ZNF708: variants seen among roughly 807,000 people sequenced by gnomAD.
ZNF708 encodes the protein zinc finger protein 708, also known as ZNF15, ZNF15L1.
In ZNF708, 44 loss-of-function variants were observed where a neutral mutation model predicts 47.0. The ratio of observed to expected loss-of-function variants is 0.94; its 90% confidence interval spans 0.74 to 1.20. ZNF708 has a LOEUF of 1.20. Ranked by LOEUF, ZNF708 falls within the 50% of genes most tolerant of loss-of-function variation. The pLI, the probability that ZNF708 is intolerant of heterozygous loss-of-function variation, is 0.00. For missense variants in ZNF708, 557 were observed against 656.0 expected (o/e 0.85, Z 1.65); for synonymous variants, 184 against 218.5 (o/e 0.84, Z 1.39).
rs747518536 is a variant in ZNF708, at chr19:21,293,368, T to A, written c.1598A>T (p.Lys533Ile). 1.2e-6 allele frequency: 2 copies of A among 1,613,626 alleles called. No homozygotes were observed. Among genetic ancestry groups the A allele is most frequent in the Non-Finnish European group, 1.7e-6 (2 of 1,179,862 alleles). Residue 533 changes from lysine (K) to isoleucine (I), a missense_variant, in exon 4 of 4, where the codon AAA becomes ATA. Transcript: ENST00000356929. ...KIIHTGEKPY[K>I]CEECGKAFNQ... ...AAAGGCTTTGCCACATTCTTCACAT[T>A]TGTAGGGTTTCTCTCCAGTATGAAT...
rs1480206953 is a variant in ZNF708, at chr19:21,295,172, A to C, written c.227-433T>G. Among the ~76,000 whole-genome samples the C allele has an allele frequency of 2.0e-5, 3 of 152,200 alleles. No individual in the cohort carries two copies. The South Asian group carries it at 6.2e-4, about 32-fold the overall frequency. ...ACTGGTTTCTGTCTCCCATGACATA[A>C]AGTGCTAAAAGAAATGGTGGTATAC... On this transcript the variant is annotated intron_variant, in intron 3 of 3. Transcript: ENST00000356929.
rs1465174466 is a variant in ZNF708, at chr19:21,291,345, T to C, written c.*1929A>G. On this transcript the variant is annotated 3_prime_UTR_variant, in exon 4 of 4. Coordinates refer to ENST00000356929, the MANE Select transcript of ZNF708 (RefSeq NM_021269.3). ...CCACAAATACCATCTCCACTTAGAT[T>C]TTCATCATGCATGTTACATTTTAAT... The C allele has an allele frequency of 6.6e-6, 1 of 152,096 alleles. No homozygotes were observed. Among genetic ancestry groups the C allele is most frequent in the East Asian group, 1.9e-4 (1 of 5,188 alleles). 9.4% of individuals were successfully genotyped at this position (152,096 alleles called of 1,614,324 possible).
Position 21,329,281 on chromosome 19 carries a change from C to G in ZNF708, c.-69G>C, listed in dbSNP as rs1431704513. The G allele has an allele frequency of 6.2e-7, 1 of 1,601,360 alleles. No individual in the cohort carries two copies. The highest frequency in any genetic ancestry group is 8.5e-7 in the Non-Finnish European group (1 of 1,170,774). On this transcript the variant is annotated 5_prime_UTR_variant, in exon 1 of 4. Transcript: ENST00000356929. ...CCAATACCTGCAGGTCACAGAGCCA[C>G]AGAGTCTGGGCCTCTAGGAGCAGAG...
Position 21,310,489 on chromosome 19 carries a change from A to G in ZNF708, c.130+12T>C. ...AATAATAAAAATTAAAAAAAAAAAA[A>G]CTTATCCTCACCCAGGAATACCAGG... On this transcript the variant is annotated intron_variant, in intron 2 of 3. Coordinates refer to ENST00000356929, the MANE Select transcript of ZNF708 (RefSeq NM_021269.3). 1 of 1,316,104 alleles carries G rather than the reference A, an allele frequency of 7.6e-7. No homozygotes were observed. Among genetic ancestry groups the G allele is most frequent in the Non-Finnish European group, 9.8e-7 (1 of 1,016,422 alleles). 81.5% of individuals were successfully genotyped at this position (1,316,104 alleles called of 1,614,324 possible).
At chr19:21,305,204 T>C (rs1762578) in intron 3 of ZNF708, among the ~76,000 whole-genome samples, 24,045 of 150,710 alleles carry the variant, frequency 0.16, 2,211 homozygotes, top group Non-Finnish European at 0.21. Context: ...AGAGACAGGG[T>C]TCCACCAGGT....
chr19:21,307,172 AAATAAAATAC>A (rs971628951), intron 3 of ZNF708, among the ~76,000 whole-genome samples: 1 of 126,466 alleles, frequency 7.9e-6, no homozygotes, highest in African/African-American at 2.9e-5. Context: ...AAATAAAATA[AAATAAAATAC>A]AATAAAATAC....
At position 21,329,336 on chromosome 19, in the gene ZNF708, C is replaced by G; in HGVS notation, c.-124G>C. ...AACAGCAGTGAAGACGAGACCGGAG[C>G]TCCGGCTGCAGCAAGAGACAAAGGC... On this transcript the variant is annotated 5_prime_UTR_variant, in exon 1 of 4. Coordinates refer to ENST00000356929, the MANE Select transcript of ZNF708 (RefSeq NM_021269.3). 6.8e-7 allele frequency: 1 copy of G among 1,468,104 alleles called. No individual in the cohort carries two copies. The allele number at this position is 1,468,104 out of a possible 1,614,324, so 90.9% of individuals were successfully genotyped here. A position where few individuals can be genotyped will look rare whatever the true frequency, so the allele number is the denominator to read the frequency against.
chr19:21,294,821 A>G, intron 3 of ZNF708, 82 bp from the exon 4 acceptor site: 1 of 1,330,860 alleles, frequency 7.5e-7, no homozygotes, highest in Non-Finnish European at 1.0e-6. Flanking sequence ...CCAACTATAT[A>G]AACAAGATGA....
chr19:21,298,898 A>C (rs1330040858), intron 3 of ZNF708, among the ~76,000 whole-genome samples: 3 of 152,232 alleles, frequency 2.0e-5, no homozygotes, highest in African/African-American at 7.2e-5. Context: ...AGCAGAAAAT[A>C]TTATAACAAC....
At chr19:21,328,582 G>A (rs1443789996) in intron 1 of ZNF708, among the ~76,000 whole-genome samples, 2 of 152,080 alleles carry the variant, frequency 1.3e-5, no homozygotes, top group Non-Finnish European at 2.9e-5. Flanking sequence ...TAAGTGGCAG[G>A]CAATTACACT....
intron 1 of ZNF708, among the ~76,000 whole-genome samples, chr19:21,319,211 T>G (rs1440046101): frequency 2.0e-5 from 3 of 152,186 alleles, no homozygotes; most frequent in Non-Finnish European, 4.4e-5. Flanking sequence ...TTCAGATAAC[T>G]ATGCTAATTG....
At chr19:21,300,546 G>GCAAA (rs4026598) in intron 3 of ZNF708, among the ~76,000 whole-genome samples, 144,244 of 151,012 alleles carry the variant, frequency 0.96, 69,166 homozygotes, top group Middle Eastern at 1. Flanking sequence ...ATTTACACAA[G>GCAAA]CAAACAGAGA....
At chr19:21,302,875 G>GA (rs975701374) in intron 3 of ZNF708, among the ~76,000 whole-genome samples, 3 of 150,046 alleles carry the variant, frequency 2.0e-5, no homozygotes, top group Non-Finnish European at 4.4e-5. Flanking sequence ...CAAGAAATGA[G>GA]AAAAAAAAAT....
chr19:21,315,583 G>A (rs1356392365), intron 1 of ZNF708, among the ~76,000 whole-genome samples: 1 of 152,154 alleles, frequency 6.6e-6, no homozygotes, highest in Admixed American at 6.6e-5. Flanking sequence ...TGTAACCTGG[G>A]AGCAAATATT....
rs551798904 is a variant in ZNF708 at position 21,295,524 on chromosome 19, T to A, written c.227-785A>T. On this transcript the variant is annotated intron_variant, in intron 3 of 3. Transcript: ENST00000356929. ...ATTTTGGGAGGCCAAGGCGGGTGAATCACCTGAGGTTGGGAGTTCAAGACC... is the reference window on the plus strand; with the variant it reads ...ATTTTGGGAGGCCAAGGCGGGTGAAACACCTGAGGTTGGGAGTTCAAGACC... 2.0e-5 allele frequency among the ~76,000 whole-genome samples: 3 copies of A among 152,184 alleles called. No homozygotes were observed. The South Asian group carries it at 6.2e-4, about 32-fold the overall frequency.
Position 21,292,473 on chromosome 19 carries a change from T to A in ZNF708, c.*801A>T, listed in dbSNP as rs969270410. On this transcript the variant is annotated 3_prime_UTR_variant, in exon 4 of 4. Transcript: ENST00000356929. The stretch of plus-strand genomic sequence containing the variant: ...TGTCTAAGTTGTAGTTTTGGAAAAC[T>A]TTTTTTTCAAATTTATTACATTTGC... The A allele has an allele frequency of 2.0e-5, 3 of 151,966 alleles. No individual in the cohort carries two copies. The highest frequency in any genetic ancestry group is 7.2e-5 in the African/African-American group (3 of 41,410). The allele number at this position is 151,966 out of a possible 1,614,324, so 9.4% of individuals were successfully genotyped here.
In ZNF708 at chr19:21,294,715, T is replaced by A. The variant is rs906169452; in HGVS notation, c.251A>T (p.Asp84Val). 1.3e-6 allele frequency: 2 copies of A among 1,593,432 alleles called. No individual in the cohort carries two copies. Among genetic ancestry groups the A allele is most frequent in the Admixed American group, 1.8e-5 (1 of 55,846 alleles). Residue 84 changes from aspartate to valine, a missense_variant, in exon 4 of 4, where the codon GAC (aspartate) becomes GTC (valine). By Grantham distance (152) the Asp-to-Val change is radical. Coordinates refer to ENST00000356929, the MANE Select transcript of ZNF708 (RefSeq NM_021269.3). ...PPAMCSHFAKDLRPEQYIKNS... is the reference protein window; with the variant it reads ...PPAMCSHFAKVLRPEQYIKNS... ...TTTTATATATTGCTCTGGCCTAAGGTCTTTGGCAAAATGAGAACACATAGC... is the reference window on the plus strand; with the variant it reads ...TTTTATATATTGCTCTGGCCTAAGGACTTTGGCAAAATGAGAACACATAGC...
chr19:21,306,493 T>A (rs1007448616), intron 3 of ZNF708, among the ~76,000 whole-genome samples: 4 of 152,110 alleles, frequency 2.6e-5, no homozygotes, highest in Admixed American at 2.6e-4. Flanking sequence ...TAATAATTTA[T>A]AGAGAAACAC....
intron 1 of ZNF708, among the ~76,000 whole-genome samples, chr19:21,323,397 C>A (rs1308046756): frequency 6.6e-6 from 1 of 152,152 alleles, no homozygotes; most frequent in East Asian, 1.9e-4. Flanking sequence ...TTTTATGTAA[C>A]TCCAAAGAAC....
Sources: gnomAD v4.1 joint callset for allele counts (sites outside exome capture counted in the v4.1 genomes callset) on GRCh38, gnomAD v4.1.1 for gene constraint, MANE v1.5 for transcripts, NCBI Gene and HGNC (gene_info 2026-07-23, HGNC 2026-07-21) for gene names.